Variants in EQTN observed in about 807,000 individuals in gnomAD.
The protein encoded by EQTN is Acrosome formation associated factor.
In EQTN, 29 loss-of-function variants were observed where a neutral mutation model predicts 26.9. The ratio of observed to expected loss-of-function variants is 1.08; its 90% CI spans 0.80 to 1.47. The LOEUF is 1.47. Ranked by LOEUF, EQTN falls within the 40% of genes most tolerant of loss-of-function variation. EQTN has a pLI of 0.00. For synonymous variants in EQTN, 129 were observed against 120.0 expected (o/e 1.07, Z -0.49); for missense variants, 391 against 346.1 (o/e 1.13, Z -1.03).
At chr9:27,288,426 TTGCCCTC>T (rs1469497831) in intron 6 of EQTN, among the ~76,000 whole-genome samples, 2 of 152,154 alleles carry the variant, frequency 1.3e-5, no homozygotes, top group Non-Finnish European at 2.9e-5. Flanking sequence ...TCTTCCCACC[TTGCCCTC>T]CCAAAGTGCT....
rs747243757 is a variant in EQTN at position 27,292,497 on chromosome 9, G to C, written c.290-10C>G. 1.2e-4 allele frequency: 192 copies of C among 1,555,982 alleles called. 2 individuals carry two copies. The Admixed American group carries it at 3.4e-3, about 27-fold the overall frequency. On this transcript the variant is annotated splice_polypyrimidine_tract_variant and intron_variant, in intron 3 of 7. Transcript: ENST00000380032. The stretch of plus-strand genomic sequence containing the variant: ...GCATTGACAGTTTTATCTAGGAAAA[G>C]GGAAAAAGAATTATCAGCATGTAAA...
At chr9:27,293,385 T>G (rs1046314957) in intron 3 of EQTN, among the ~76,000 whole-genome samples, 1 of 152,192 alleles carries the variant, frequency 6.6e-6, no homozygotes, top group African/African-American at 2.4e-5. Flanking sequence ...TTTTAGGGAC[T>G]ATACTTAAGC....
intron 6 of EQTN, among the ~76,000 whole-genome samples, chr9:27,288,797 G>A (rs532803564): frequency 9.2e-5 from 14 of 152,266 alleles, no homozygotes; most frequent in African/African-American, 3.4e-4. Flanking sequence ...TGACATTCTA[G>A]AAAAGGCAAA....
chr9:27,286,104 G>C, intron 7 of EQTN, 105 bp downstream of exon 7: 1 of 1,118,334 alleles, frequency 8.9e-7, no homozygotes, highest in East Asian at 2.4e-5. Context: ...ATGTCGTATG[G>C]ATGAATTCAG....
intron 7 of EQTN, among the ~76,000 whole-genome samples, 180 bp downstream of exon 7, chr9:27,286,029 A>C (rs1301248345): frequency 6.6e-6 from 1 of 152,238 alleles, no homozygotes; most frequent in African/African-American, 2.4e-5. Flanking sequence ...AAAAAGTTCA[A>C]GTAGGATATT....
chr9:27,286,064 A>T, intron 7 of EQTN, 145 bp downstream of exon 7: 1 of 814,272 alleles, frequency 1.2e-6, no homozygotes, highest in Non-Finnish European at 1.9e-6. Context: ...CCCGTGCTCC[A>T]TCCGAATAGG....
At chr9:27,285,332 C>T (rs10967857) in intron 7 of EQTN, among the ~76,000 whole-genome samples, 19 of 151,718 alleles carry the variant, frequency 1.3e-4, no homozygotes, top group Admixed American at 3.9e-4. Context: ...TTAGTAGAGA[C>T]GGGGTTTCAC....
At chr9:27,294,973 C>G (rs899483712) in intron 2 of EQTN, among the ~76,000 whole-genome samples, 2 of 152,148 alleles carry the variant, frequency 1.3e-5, no homozygotes, top group Non-Finnish European at 2.9e-5. Context: ...TGGATCAAGA[C>G]GGCAGACTGG....
chr9:27,287,841 G>A (rs553380834), intron 6 of EQTN, among the ~76,000 whole-genome samples: 1 of 152,200 alleles, frequency 6.6e-6, no homozygotes, highest in South Asian at 2.1e-4. Context: ...CTGTCACCCA[G>A]GCTAGAGTGC....
At chr9:27,294,817 T>A (rs10967865) in intron 2 of EQTN, among the ~76,000 whole-genome samples, 15,632 of 152,282 alleles carry the variant, frequency 0.1, 959 homozygotes, top group East Asian at 0.22. Context: ...TTAAAAAGCA[T>A]ATCATTTGAT....
chr9:27,285,116 GT>G (rs1414160573), intron 7 of EQTN, 144 bp from the exon 8 acceptor site: 3 of 158,822 alleles, frequency 1.9e-5, no homozygotes, highest in African/African-American at 8.8e-5. Context: ...ATGATATATA[GT>G]TTTTCTTTTC....
chr9:27,284,754 A>C lies in EQTN; in HGVS notation c.854T>G (p.Met285Arg). ...GGTAACCGACTCATCGTTTTCATGC[A>C]TCTCATTATCTGAGCCTATGGAAAT... is the stretch of plus-strand genomic sequence containing the variant. ...DIISIGSDNE[M>R]HENDESVTR The change falls in exon 8 of 8, where the codon ATG becomes AGG. Residue 285 changes from methionine to arginine, a missense_variant. Coordinates refer to ENST00000380032, the MANE Select transcript of EQTN (RefSeq NM_020641.3). 1 of 1,614,010 alleles carries C rather than the reference A, an allele frequency of 6.2e-7. No homozygotes were observed. Among genetic ancestry groups the C allele is most frequent in the Non-Finnish European group, 8.5e-7 (1 of 1,179,962 alleles).
chr9:27,290,366 C>T (rs1820209334), intron 5 of EQTN, among the ~76,000 whole-genome samples: 1 of 152,138 alleles, frequency 6.6e-6, no homozygotes, highest in African/African-American at 2.4e-5. Flanking sequence ...CAAAGCTCTG[C>T]CAATGTCCAT....
intron 5 of EQTN, 49 bp from the exon 6 acceptor site, chr9:27,289,780 T>A (rs770081432): frequency 3.4e-6 from 5 of 1,487,854 alleles, no homozygotes; most frequent in Non-Finnish European, 4.6e-6. Flanking sequence ...CTTACTAAAA[T>A]TATTGCCTGT....
chr9:27,292,825 G>A (rs962763291), intron 3 of EQTN, among the ~76,000 whole-genome samples: 1 of 152,204 alleles, frequency 6.6e-6, no homozygotes, highest in Non-Finnish European at 1.5e-5. Flanking sequence ...TGCACAGGCG[G>A]TGAAATGATC....
chr9:27,296,037 G>A (rs1447038907), intron 2 of EQTN, among the ~76,000 whole-genome samples: 4 of 151,760 alleles, frequency 2.6e-5, no homozygotes, highest in South Asian at 4.2e-4. Context: ...GTGGTGGCTC[G>A]CACCTGTAAT....
rs1820361479 is a variant in EQTN, at chr9:27,297,146, A to T, written c.-91T>A. 4.8e-6 allele frequency: 4 copies of T among 826,668 alleles called. No homozygotes were observed. The South Asian group carries it at 5.2e-5, about 11-fold the overall frequency. 51.2% of individuals were successfully genotyped at this position (826,668 alleles called of 1,614,324 possible). On this transcript the variant is annotated 5_prime_UTR_variant, in exon 1 of 8. It removes an upstream start codon present in the reference 5' UTR. Coordinates refer to ENST00000380032, the MANE Select transcript of EQTN (RefSeq NM_020641.3). ...AGCAGGTCCTGTGTCTAACTAGGAC[A>T]TTATGACATCACTGTCAGATGGGCA...
intron 6 of EQTN, among the ~76,000 whole-genome samples, chr9:27,287,531 TG>T (rs1188932036): frequency 2.0e-5 from 3 of 152,194 alleles, no homozygotes; most frequent in Non-Finnish European, 4.4e-5. Flanking sequence ...GTTACAAGCG[TG>T]GGCAGCTTTT....
At chr9:27,292,238 T>C in intron 4 of EQTN, 163 bp downstream of exon 4, 1 of 421,148 alleles carries the variant, frequency 2.4e-6, no homozygotes, top group Non-Finnish European at 4.2e-6. Flanking sequence ...GACTGACTGT[T>C]AGACATTCAC....
Sources: gnomAD v4.1 joint callset for allele counts (sites outside exome capture counted in the v4.1 genomes callset) on GRCh38, gnomAD v4.1.1 for gene constraint, MANE v1.5 for transcripts, NCBI Gene and HGNC (gene_info 2026-07-23, HGNC 2026-07-21) for gene names.